The following CATSPERE variants were observed in gnomAD, a reference collection of about 807,000 sequenced individuals.
CATSPERE encodes the protein cation channel sperm-associated auxiliary subunit epsilon.
A neutral mutation model predicts 114.1 loss-of-function variants in CATSPERE; 93 were observed. The observed-to-expected ratio is 0.81, with a 90% CI of 0.69 to 0.97. The LOEUF is 0.97. CATSPERE is among the 50% of genes least tolerant of loss of function. CATSPERE has a pLI of 0.00. For missense variants in CATSPERE, 1,058 were observed against 1,131.6 expected (o/e 0.93, Z 0.93); for synonymous variants, 341 against 384.1 (o/e 0.89, Z 1.31).
At chr1:244,570,521 T>C (rs139397855) in intron 10 of CATSPERE, among the ~76,000 whole-genome samples, 113 of 152,358 alleles carry the variant, frequency 7.4e-4, no homozygotes, top group African/African-American at 2.6e-3. Context: ...TTTTAGTCTT[T>C]CTTATTTTCT....
intron 12 of CATSPERE, 87 bp from the exon 13 acceptor site, chr1:244,583,777 A>G (rs1383728714): frequency 2.9e-5 from 36 of 1,240,360 alleles, no homozygotes; most frequent in Non-Finnish European, 4.1e-5. Context: ...CACCGTGCAC[A>G]TGGGACTTTG....
chr1:244,513,424 C>T (rs1676083088), intron 7 of CATSPERE, among the ~76,000 whole-genome samples: 1 of 152,178 alleles, frequency 6.6e-6, no homozygotes, highest in Admixed American at 6.5e-5. Context: ...AATCCCCAGG[C>T]CCCTGGAGGG....
At chr1:244,490,795 C>G (rs896256552) in intron 6 of CATSPERE, among the ~76,000 whole-genome samples, 2 of 151,832 alleles carry the variant, frequency 1.3e-5, no homozygotes, top group Non-Finnish European at 1.5e-5. Flanking sequence ...AAATATTGAG[C>G]ATCCATTCTT....
intron 10 of CATSPERE, among the ~76,000 whole-genome samples, chr1:244,567,920 A>G (rs894503182): frequency 6.6e-6 from 1 of 151,938 alleles, no homozygotes; most frequent in Non-Finnish European, 1.5e-5. Flanking sequence ...GGGAAGAGGC[A>G]TTCTGGTTTT....
upstream of CATSPERE, chr1:244,452,054 G>A (rs367782386): frequency 4.6e-5 from 17 of 370,312 alleles, no homozygotes; most frequent in Middle Eastern, 7.1e-4. Flanking sequence ...ACCGCCCGCA[G>A]GAAGAGGCCC....
intron 8 of CATSPERE, among the ~76,000 whole-genome samples, chr1:244,544,879 C>CT (rs998031754): frequency 6.6e-6 from 1 of 152,060 alleles, no homozygotes; most frequent in Non-Finnish European, 1.5e-5. Flanking sequence ...CTGGCAAATG[C>CT]TTTTTTTTCC....
At chr1:244,470,928 G>T (rs1451049052) in intron 2 of CATSPERE, among the ~76,000 whole-genome samples, 2 of 152,210 alleles carry the variant, frequency 1.3e-5, no homozygotes, top group African/African-American at 4.8e-5. Flanking sequence ...ACCACATGTT[G>T]TATGATTTCA....
intron 9 of CATSPERE, among the ~76,000 whole-genome samples, chr1:244,555,203 G>A (rs1027083106): frequency 6.6e-6 from 1 of 151,940 alleles, no homozygotes; most frequent in African/African-American, 2.4e-5. Context: ...TGGCCAATAT[G>A]GTGTAACCCC....
At chr1:244,459,367 G>A (rs371674161), upstream of CATSPERE, among the ~76,000 whole-genome samples, 8 of 152,248 alleles carry the variant, frequency 5.3e-5, no homozygotes, top group Non-Finnish European at 1.0e-4. Flanking sequence ...ATGAGCCACC[G>A]CGCCCAGCCT....
rs141385314 is a variant in CATSPERE, at chr1:244,516,508, A to G, written c.430-2084A>G. Among the ~76,000 whole-genome samples, 863 of 148,332 alleles carry G rather than the reference A, an allele frequency of 5.8e-3. 3 individuals carry two copies. Among genetic ancestry groups the G allele is most frequent in the Middle Eastern group, 0.014 (4 of 286 alleles). On this transcript the variant is annotated intron_variant, in intron 7 of 21. Coordinates refer to ENST00000366534, the MANE Select transcript of CATSPERE (RefSeq NM_001130957.2). ...GACTACAGGTGCGCACCACCGTGCC[A>G]TGCTAAAAGGGTTTTGTTTTTTTTT...
chr1:244,560,723 G>C lies in CATSPERE; in HGVS notation c.1085G>C (p.Gly362Ala). 9.3e-6 allele frequency: 15 copies of C among 1,613,822 alleles called. No homozygotes were observed. Among genetic ancestry groups the C allele is most frequent in the Non-Finnish European group, 1.2e-5 (14 of 1,179,934 alleles). ...TGGACAGAAAATGAAATTTACCTCG[G>C]ATCCATTCTTCTTAAGTTTGCCAGA... ...AVWTENEIYLGSILLKFARLV... is the reference protein window; with the variant it reads ...AVWTENEIYLASILLKFARLV... The change falls in exon 10 of 22, where the codon GGA becomes GCA. Residue 362 changes from glycine to alanine, a missense_variant. This residue lies in a region of CATSPERE where 787 missense variants were observed against 905.6 expected (regional missense o/e 0.87). Coordinates refer to ENST00000366534, the MANE Select transcript of CATSPERE (RefSeq NM_001130957.2).
intron 11 of CATSPERE, among the ~76,000 whole-genome samples, chr1:244,577,123 A>T (rs1665388591): frequency 6.6e-6 from 1 of 151,932 alleles, no homozygotes; most frequent in African/African-American, 2.4e-5. Context: ...CTAGAATTTT[A>T]TAATTTTTTT....
At chr1:244,535,632 G>A (rs1281054060) in intron 8 of CATSPERE, among the ~76,000 whole-genome samples, 1 of 152,150 alleles carries the variant, frequency 6.6e-6, no homozygotes, top group African/African-American at 2.4e-5. Context: ...AATGCTGCCA[G>A]GCTGGGGACT....
chr1:244,616,886 A>G (rs1191841966), intron 19 of CATSPERE, among the ~76,000 whole-genome samples: 1 of 152,244 alleles, frequency 6.6e-6, no homozygotes, highest in Non-Finnish European at 1.5e-5. Flanking sequence ...TTCAGAGAGC[A>G]AGAATGGTAG....
intron 20 of CATSPERE, among the ~76,000 whole-genome samples, chr1:244,624,249 G>A (rs948640238): frequency 6.6e-6 from 1 of 151,516 alleles, no homozygotes; most frequent in Non-Finnish European, 1.5e-5. Flanking sequence ...GGGATTACAG[G>A]CGTGAGCCAC....
chr1:244,490,835 T>C (rs1421854404), intron 6 of CATSPERE, among the ~76,000 whole-genome samples: 1 of 152,150 alleles, frequency 6.6e-6, no homozygotes, highest in Non-Finnish European at 1.5e-5. Flanking sequence ...AAAATAGTTA[T>C]TTTTCATAAA....
chr1:244,583,736 G>A (rs1666590902), intron 12 of CATSPERE, 128 bp from the exon 13 acceptor site: 2 of 701,006 alleles, frequency 2.9e-6, no homozygotes, highest in Non-Finnish European at 4.9e-6. Flanking sequence ...CATCCTCCAG[G>A]CCTCTAGAAA....
intron 15 of CATSPERE, among the ~76,000 whole-genome samples, chr1:244,592,214 G>T (rs1254215505): frequency 6.6e-6 from 1 of 152,126 alleles, no homozygotes; most frequent in Non-Finnish European, 1.5e-5. Context: ...GCCGGGCATG[G>T]TGGCTTAAAT....
At chr1:244,553,642 C>CATATAT in intron 9 of CATSPERE, among the ~76,000 whole-genome samples, 1 of 130,528 alleles carries the variant, frequency 7.7e-6, no homozygotes, top group Middle Eastern at 3.8e-3. Flanking sequence ...CACACACACA[C>CATATAT]ACATACATAT....
Sources: allele counts gnomAD v4.1 joint callset (sites outside exome capture counted in the v4.1 genomes callset), GRCh38; gene constraint gnomAD v4.1.1; regional missense constraint gnomAD v4.1.1; transcripts MANE v1.5; gene names NCBI Gene and HGNC (gene_info 2026-07-23, HGNC 2026-07-21).